Variants in FILIP1L observed in about 807,000 individuals in gnomAD.
The protein encoded by FILIP1L is filamin A interacting protein 1 like.
A neutral mutation model predicts 96.6 loss-of-function variants in FILIP1L; 55 were observed. The ratio of observed to expected loss-of-function variants is 0.57; its 90% CI spans 0.46 to 0.71. FILIP1L has a LOEUF of 0.71. Among genes scored for constraint, FILIP1L ranks in the 30% least tolerant of loss-of-function variants. The pLI, the probability that FILIP1L is intolerant of heterozygous loss-of-function variation, is 0.00. For missense variants in FILIP1L, 1,304 were observed against 1,321.2 expected (o/e 0.99, Z 0.20); for synonymous variants, 467 against 473.9 (o/e 0.99, Z 0.19).
At chr3:100,089,550 T>C (rs1394031274) in intron 1 of FILIP1L, among the ~76,000 whole-genome samples, 1 of 152,178 alleles carries the variant, frequency 6.6e-6, no homozygotes, top group Non-Finnish European at 1.5e-5. Context: ...GCAAAAAGGA[T>C]AGGAAGCAGA....
intron 1 of FILIP1L, among the ~76,000 whole-genome samples, chr3:99,983,466 A>ATGTG (rs1276688981): frequency 0.072 from 424 of 5,918 alleles, 18 homozygotes; most frequent in Middle Eastern, 0.12. Context: ...ATATGTGTGT[A>ATGTG]TATATATATA....
At chr3:100,027,493 A>G (rs535766206) in intron 1 of FILIP1L, among the ~76,000 whole-genome samples, 1 of 152,266 alleles carries the variant, frequency 6.6e-6, no homozygotes, top group South Asian at 2.1e-4. Context: ...TAGCTTGGGA[A>G]CAGACTTTAT....
At chr3:100,090,956 T>G (rs1443202399) in intron 1 of FILIP1L, among the ~76,000 whole-genome samples, 2 of 152,134 alleles carry the variant, frequency 1.3e-5, no homozygotes, top group Non-Finnish European at 2.9e-5. Flanking sequence ...ACAAGTAATT[T>G]TAACCCAAGG....
At chr3:100,089,665 T>C (rs2066070484) in intron 1 of FILIP1L, among the ~76,000 whole-genome samples, 2 of 152,220 alleles carry the variant, frequency 1.3e-5, no homozygotes, top group Admixed American at 1.3e-4. Flanking sequence ...ATGTCTTACA[T>C]TGAGTGAAAA....
chr3:100,016,746 GT>G (rs1463292984), intron 1 of FILIP1L, among the ~76,000 whole-genome samples: 1 of 152,094 alleles, frequency 6.6e-6, no homozygotes, highest in Non-Finnish European at 1.5e-5. Flanking sequence ...AATCTGAATT[GT>G]AACATTTTAG....
Position 99,929,971 on chromosome 3 carries a change from T to G in FILIP1L, c.311A>C (p.Glu104Ala), listed in dbSNP as rs1421655017. 3 of 1,613,960 alleles carry G rather than the reference T, an allele frequency of 1.9e-6. No individual in the cohort carries two copies. The Admixed American group carries it at 5.0e-5, about 27-fold the overall frequency. Residue 104 changes from glutamate (E) to alanine (A), a missense_variant, in exon 3 of 6, where the codon GAA (glutamate) becomes GCA (alanine). By Grantham distance (107) the Glu-to-Ala change is moderately radical. Transcript: ENST00000477258. Reference protein sequence around the residue: ...KAEKMDLALLEAQYGFVTPKK... With the variant: ...KAEKMDLALLAAQYGFVTPKK... ...TGGAGTGACAAACCCATACTGAGCT[T>G]CCAGCAAAGCCAGGTCCATTTTTTC...
intron 1 of FILIP1L, among the ~76,000 whole-genome samples, chr3:100,048,028 G>C (rs369702122): frequency 3.2e-4 from 48 of 152,242 alleles, no homozygotes; most frequent in African/African-American, 1.2e-3. Flanking sequence ...GAAAGTGAAA[G>C]GGTTTAAATT....
At chr3:100,087,631 T>C (rs2066033489) in intron 1 of FILIP1L, among the ~76,000 whole-genome samples, 2 of 152,200 alleles carry the variant, frequency 1.3e-5, no homozygotes, top group East Asian at 3.9e-4. Flanking sequence ...AATACAATTC[T>C]TTTTCAGATA....
chr3:99,986,124 AAGAT>A (rs984199621), intron 1 of FILIP1L, among the ~76,000 whole-genome samples: 9 of 152,230 alleles, frequency 5.9e-5, no homozygotes, highest in Non-Finnish European at 1.0e-4. Flanking sequence ...AAGAGGAAAA[AAGAT>A]AGAAAATCTA....
chr3:99,851,135 A>G, intron 4 of FILIP1L, 65 bp from the exon 5 acceptor site: 1 of 1,252,496 alleles, frequency 8.0e-7, no homozygotes, highest in East Asian at 2.4e-5. Context: ...AATGTACTTA[A>G]ATATATATGT....
chr3:99,998,999 T>C (rs1709766489), intron 1 of FILIP1L, among the ~76,000 whole-genome samples: 1 of 152,254 alleles, frequency 6.6e-6, no homozygotes, highest in Non-Finnish European at 1.5e-5. Flanking sequence ...GTTTATTCTT[T>C]AATACTTAGC....
intron 1 of FILIP1L, among the ~76,000 whole-genome samples, chr3:99,971,085 C>T (rs1053529795): frequency 4.6e-5 from 7 of 152,258 alleles, no homozygotes; most frequent in African/African-American, 1.7e-4. Flanking sequence ...CGCCTGTAAT[C>T]CCAGCACTTT....
At chr3:99,957,693 C>CTTTTTTTTTTTTTTTTTTTTTTTTTTTTT (rs779350496) in intron 1 of FILIP1L, among the ~76,000 whole-genome samples, 204 of 19,900 alleles carry the variant, frequency 0.01, 75 homozygotes, top group Non-Finnish European at 0.014. Flanking sequence ...TTCTTTCTTT[C>CTTTTTTTTTTTTTTTTTTTTTTTTTTTTT]TTTTTTTTTT....
intron 1 of FILIP1L, among the ~76,000 whole-genome samples, chr3:100,072,801 A>G (rs2065784746): frequency 6.6e-6 from 1 of 152,178 alleles, no homozygotes; most frequent in African/African-American, 2.4e-5. Context: ...AGAGGTTCTC[A>G]AATTCTAGGG....
At chr3:99,883,449 A>G (rs1705794671) in intron 4 of FILIP1L, among the ~76,000 whole-genome samples, 1 of 152,210 alleles carries the variant, frequency 6.6e-6, no homozygotes. Context: ...GAATGAACAG[A>G]TTATTTCATC....
chr3:100,037,964 G>A (rs1418212431), intron 1 of FILIP1L, among the ~76,000 whole-genome samples: 9 of 124,134 alleles, frequency 7.3e-5, no homozygotes, highest in Non-Finnish European at 1.1e-4. Context: ...TTTGGGGGGG[G>A]AGGGAACAGA....
At chr3:100,031,166 A>G (rs1270008329) in intron 1 of FILIP1L, among the ~76,000 whole-genome samples, 1 of 152,134 alleles carries the variant, frequency 6.6e-6, no homozygotes, top group African/African-American at 2.4e-5. Context: ...CTTAAATGTC[A>G]TATTTATAAT....
rs768817482 is a variant in FILIP1L, at chr3:99,850,483, T to G, written c.1193A>C (p.Asp398Ala). Residue 398 changes from aspartate (D) to alanine (A), a missense_variant, in exon 5 of 6, where the codon GAT becomes GCT. Coordinates refer to ENST00000477258, the MANE Select transcript of FILIP1L (RefSeq NM_001387850.1). Reference protein sequence around the residue: ...ELIKMEEQCRDLNKRLERETL... With the variant: ...ELIKMEEQCRALNKRLERETL... ...CTCCCTTTCAAGCCTCTTATTGAGA[T>G]CTCTGCACTGCTCCTCCATTTTTAT... is the stretch of plus-strand genomic sequence containing the variant. 1 of 1,613,780 alleles carries G rather than the reference T, an allele frequency of 6.2e-7. No individual in the cohort carries two copies. The highest frequency in any genetic ancestry group is 8.5e-7 in the Non-Finnish European group (1 of 1,179,954).
At chr3:100,031,538 G>A (rs796205093) in intron 1 of FILIP1L, among the ~76,000 whole-genome samples, 80 of 152,210 alleles carry the variant, frequency 5.3e-4, no homozygotes, top group African/African-American at 1.9e-3. Flanking sequence ...TACAGAACTA[G>A]AAAAGTAATT....
Sources: allele counts gnomAD v4.1 joint callset (sites outside exome capture counted in the v4.1 genomes callset), GRCh38; gene constraint gnomAD v4.1.1; transcripts MANE v1.5; gene names NCBI Gene and HGNC (gene_info 2026-07-23, HGNC 2026-07-21).